TP53BP2: variants seen among roughly 807,000 people sequenced by gnomAD.
TP53BP2 encodes apoptosis-stimulating of p53 protein 2.
In TP53BP2, 62 loss-of-function variants were observed where a neutral mutation model predicts 126.2. The observed-to-expected ratio is 0.49, with a 90% CI of 0.40 to 0.61. TP53BP2 has a LOEUF of 0.61. TP53BP2 is among the 20% of genes least tolerant of loss of function. The pLI, the probability that TP53BP2 is intolerant of heterozygous loss-of-function variation, is 0.00. For synonymous variants in TP53BP2, 485 were observed against 502.9 expected (o/e 0.96, Z 0.48); for missense variants, 1,215 against 1,402.8 (o/e 0.87, Z 2.14).
chr1:223,795,286 G>A (rs1662277201), intron 13 of TP53BP2, among the ~76,000 whole-genome samples: 1 of 152,210 alleles, frequency 6.6e-6, no homozygotes, highest in Non-Finnish European at 1.5e-5. Context: ...AGAGGCTGAA[G>A]AGGGGCCCCT....
chr1:223,794,271 C>T lies in TP53BP2; in HGVS notation c.2725-831G>A, dbSNP rs555995570. Among the ~76,000 whole-genome samples the T allele has an allele frequency of 5.9e-5, 9 of 152,268 alleles. No individual in the cohort carries two copies. The South Asian group carries it at 1.9e-3, about 32-fold the overall frequency. On this transcript the variant is annotated intron_variant, in intron 13 of 17. Coordinates refer to ENST00000343537, the MANE Select transcript of TP53BP2 (RefSeq NM_001031685.3). ...TGTTGTGAGGTGTGATATATGTACT[C>T]CACATAATTCTTTCATTTTATCTCA...
chr1:223,806,891 G>A lies in TP53BP2; in HGVS notation c.429C>T (p.Arg143=). 6.2e-7 allele frequency: 1 copy of A among 1,613,984 alleles called. No homozygotes were observed. Among genetic ancestry groups the A allele is most frequent in the Non-Finnish European group, 8.5e-7 (1 of 1,179,964 alleles). The change falls in exon 5 of 18, where the codon CGC becomes CGT. Residue 143 remains arginine, a synonymous_variant. Transcript: ENST00000343537. ...GCTGGGCTTCAATCTGTTGCTGCTG[G>A]CGAGATGCCATTTCCTGAAGTTCAG... ...TLAELQEMAS[R]QQQQIEAQQQ... is the part of the protein sequence containing the mutation.
rs778894627 is a variant in TP53BP2, at chr1:223,810,448, G to A, written c.355C>T (p.Arg119Ter). 3 of 1,609,480 alleles carry A rather than the reference G, an allele frequency of 1.9e-6. No individual in the cohort carries two copies. Among genetic ancestry groups the A allele is most frequent in the Non-Finnish European group, 2.5e-6 (3 of 1,177,646 alleles). ...RNGVKVPGEY[R>*]RKENGVNSPR... The stretch of plus-strand genomic sequence containing the variant: ...CAACTTACACCGTTCTCCTTTCTTC[G>A]ATATTCACCAGGAACTTTTACACCA... The change falls in exon 4 of 18, where the codon CGA becomes TGA. Residue 119 changes from arginine to a stop codon, truncating the protein, a stop_gained. Transcript: ENST00000343537. LOFTEE classifies it high-confidence loss of function.
At chr1:223,819,503 G>A (rs561493609) in intron 2 of TP53BP2, among the ~76,000 whole-genome samples, 2 of 152,060 alleles carry the variant, frequency 1.3e-5, no homozygotes, top group Admixed American at 6.6e-5. Flanking sequence ...TGGCTAACAC[G>A]GTGAAACCCT....
chr1:223,798,231 C>T lies in TP53BP2; in HGVS notation c.1932G>A (p.Gly644=). Residue 644 remains glycine (G), a synonymous_variant, in exon 12 of 18, where the codon GGG becomes GGA. Transcript: ENST00000343537. ...GAACCTTACCACTTGAAAAGTGTGG[C>T]CCTCTGGTATGAGTCTTGGTCAACG... The part of the protein sequence containing the change: ...QSALTKTHTR[G]PHFSSVYGKP... 1 of 1,613,088 alleles carries T rather than the reference C, an allele frequency of 6.2e-7. No individual in the cohort carries two copies.
In TP53BP2 at chr1:223,806,831, AAAG is replaced by A. The variant is rs776614575; in HGVS notation, c.474+12_474+14del. On this transcript the variant is annotated intron_variant, in intron 5 of 17. Transcript: ENST00000343537. ...AGAGTGAGCATTCATCTCCAAAAAA[AAAG>A]GACGATACTACCTTAGTTGCCAGCA... 1 of 1,610,270 alleles carries A rather than the reference AAAG, an allele frequency of 6.2e-7. No homozygotes were observed. Among genetic ancestry groups the A allele is most frequent in the Non-Finnish European group, 8.5e-7 (1 of 1,177,528 alleles).
chr1:223,833,475 T>C (rs1273580015), intron 1 of TP53BP2, among the ~76,000 whole-genome samples: 1 of 152,156 alleles, frequency 6.6e-6, no homozygotes, highest in Non-Finnish European at 1.5e-5. Flanking sequence ...TTCAATATCA[T>C]CTGGAGCACA....
At chr1:223,817,874 C>A (rs1369181708) in intron 2 of TP53BP2, among the ~76,000 whole-genome samples, 1 of 148,296 alleles carries the variant, frequency 6.7e-6, no homozygotes. Context: ...GGCAGTGAGC[C>A]GAGATGGTGC....
intron 5 of TP53BP2, among the ~76,000 whole-genome samples, chr1:223,804,779 T>C (rs911103622): frequency 3.3e-5 from 5 of 152,160 alleles, no homozygotes; most frequent in African/African-American, 1.2e-4. Context: ...CCTGAACAAA[T>C]TGCATAACCT....
In TP53BP2 at chr1:223,845,702, G is replaced by A. The variant is rs945631448; in HGVS notation, c.-22C>T. On this transcript the variant is annotated 5_prime_UTR_variant, in exon 1 of 18. Transcript: ENST00000343537. Reference sequence around the variant, plus strand: ...GCATGGAAGCGGGTGGCCAGACTGCGGCCCCGGCCGAGCTGAGGTGCCCCG... The same window carrying A: ...GCATGGAAGCGGGTGGCCAGACTGCAGCCCCGGCCGAGCTGAGGTGCCCCG... 6.5e-7 allele frequency: 1 copy of A among 1,535,240 alleles called. No homozygotes were observed. The highest frequency in any genetic ancestry group is 1.2e-5 in the South Asian group (1 of 83,438).
chr1:223,835,797 C>T lies in TP53BP2; in HGVS notation c.27+9857G>A, dbSNP rs148048214. Among the ~76,000 whole-genome samples, 367 of 152,240 alleles carry T rather than the reference C, an allele frequency of 2.4e-3. 1 individual carries two copies. Among genetic ancestry groups the T allele is most frequent in the Non-Finnish European group, 4.2e-3 (286 of 68,024 alleles). ...AAGATGAAAAGGCATGCTCCATGTC[C>T]TCACAGAGCTTATGGAACAATGAAG... On this transcript the variant is annotated intron_variant, in intron 1 of 17. Transcript: ENST00000343537.
rs1420612568 is a variant in TP53BP2 at position 223,845,858 on chromosome 1, C to T, written c.-178G>A. ...CGCGGGCTGGGGCACCAACAAGCCCCGGGCTCCCCCGCCCCGGCCGGGCCC... is the reference window on the plus strand; with the variant it reads ...CGCGGGCTGGGGCACCAACAAGCCCTGGGCTCCCCCGCCCCGGCCGGGCCC... On this transcript the variant is annotated 5_prime_UTR_variant, in exon 1 of 18. Coordinates refer to ENST00000343537, the MANE Select transcript of TP53BP2 (RefSeq NM_001031685.3). 5 of 381,812 alleles carry T rather than the reference C, an allele frequency of 1.3e-5. No homozygotes were observed. The highest frequency in any genetic ancestry group is 2.2e-5 in the Non-Finnish European group (5 of 231,434). 23.7% of individuals were successfully genotyped at this position (381,812 alleles called of 1,614,324 possible).
Position 223,845,818 on chromosome 1 carries a change from C to T in TP53BP2, c.-138G>A. ...GCGGCGGCAGCGGCGGCGCGCGGGT[C>T]CGAAGGGCCCTCCGCGCGGGCTGGG... On this transcript the variant is annotated 5_prime_UTR_variant, in exon 1 of 18. Transcript: ENST00000343537. 3.0e-6 allele frequency: 2 copies of T among 661,470 alleles called. No individual in the cohort carries two copies. 41.0% of individuals were successfully genotyped at this position (661,470 alleles called of 1,614,324 possible). A position where few individuals can be genotyped will look rare whatever the true frequency, so the allele number is the denominator to read the frequency against.
intron 1 of TP53BP2, among the ~76,000 whole-genome samples, chr1:223,843,343 G>C (rs749658359): frequency 1.3e-5 from 2 of 152,042 alleles, no homozygotes; most frequent in African/African-American, 2.4e-5. Flanking sequence ...GCTAATTTTT[G>C]TATTTTTAGT....
chr1:223,808,845 C>A (rs955724332), intron 4 of TP53BP2, among the ~76,000 whole-genome samples: 1 of 150,956 alleles, frequency 6.6e-6, no homozygotes, highest in African/African-American at 2.4e-5. Context: ...ACACAGAGAG[C>A]AAATAAGCAC....
chr1:223,790,013 G>A (rs1000680165), intron 15 of TP53BP2, among the ~76,000 whole-genome samples: 2 of 152,046 alleles, frequency 1.3e-5, no homozygotes, highest in African/African-American at 4.8e-5. Context: ...ACCAGGCGCA[G>A]TGGCTCCCAG....
At chr1:223,792,367 G>A (rs1662181153) in intron 15 of TP53BP2, 22 bp downstream of exon 15, 8 of 1,587,134 alleles carry the variant, frequency 5.0e-6, no homozygotes, top group Non-Finnish European at 6.0e-6. Flanking sequence ...AAGTTTGACT[G>A]GAGTTTAAAA....
At chr1:223,807,993 A>G (rs11802285) in intron 4 of TP53BP2, among the ~76,000 whole-genome samples, 2,529 of 152,308 alleles carry the variant, frequency 0.017, 74 homozygotes, top group African/African-American at 0.057. Context: ...AAAAGAATCA[A>G]GCTGGAAAAC....
At chr1:223,820,479 T>C (rs952346060) in intron 2 of TP53BP2, among the ~76,000 whole-genome samples, 1 of 152,196 alleles carries the variant, frequency 6.6e-6, no homozygotes, top group Non-Finnish European at 1.5e-5. Flanking sequence ...CAGAAGACCT[T>C]CTAGAACATC....
Sources: allele counts gnomAD v4.1 joint callset (sites outside exome capture counted in the v4.1 genomes callset), GRCh38; gene constraint gnomAD v4.1.1; transcripts MANE v1.5; gene names NCBI Gene and HGNC (gene_info 2026-07-23, HGNC 2026-07-21).